Variants in TESK2 observed in about 807,000 individuals in gnomAD.
TESK2 encodes testis associated actin remodelling kinase 2, also known as dual specificity testis-specific protein kinase 2.
Under a neutral mutation model 57.1 loss-of-function variants are expected in TESK2, and 39 were observed. The ratio of observed to expected loss-of-function variants is 0.68; its 90% confidence interval spans 0.53 to 0.89. The LOEUF (loss-of-function observed/expected upper bound fraction) is 0.89. Ranked by LOEUF, TESK2 falls within the 40% of genes least tolerant of loss-of-function variation. The pLI, the probability that TESK2 is intolerant of heterozygous loss-of-function variation, is 0.00. For synonymous variants in TESK2, 249 were observed against 267.9 expected (o/e 0.93, Z 0.69); for missense variants, 646 against 732.1 (o/e 0.88, Z 1.36).
At chr1:45,487,338 C>T (rs1049587301) in intron 1 of TESK2, among the ~76,000 whole-genome samples, 3 of 152,136 alleles carry the variant, frequency 2.0e-5, no homozygotes, top group Admixed American at 1.3e-4. Flanking sequence ...GCCAAGGAAC[C>T]ACCAATCCAA....
intron 1 of TESK2, among the ~76,000 whole-genome samples, chr1:45,464,465 C>A (rs895690054): frequency 6.7e-6 from 1 of 150,314 alleles, no homozygotes; most frequent in Non-Finnish European, 1.5e-5. Flanking sequence ...TTGTAAAGAT[C>A]TTTCACTTAT....
chr1:45,361,238 CAA>C (rs1342257114), intron 4 of TESK2, among the ~76,000 whole-genome samples: 1 of 152,226 alleles, frequency 6.6e-6, no homozygotes, highest in Non-Finnish European at 1.5e-5. Context: ...GAAGCAGAGA[CAA>C]GAGCAACTGC....
intron 4 of TESK2, among the ~76,000 whole-genome samples, chr1:45,363,359 T>C (rs1647774984): frequency 6.6e-6 from 1 of 152,194 alleles, no homozygotes; most frequent in African/African-American, 2.4e-5. Context: ...TTCCAATCCA[T>C]TTTCCACAAT....
intron 2 of TESK2, among the ~76,000 whole-genome samples, chr1:45,434,802 T>C (rs1651127505): frequency 6.6e-6 from 1 of 152,112 alleles, no homozygotes; most frequent in Non-Finnish European, 1.5e-5. Context: ...AGGTTGTCTC[T>C]TCACTCTATT....
At chr1:45,349,825 T>C (rs1316143282) in intron 5 of TESK2, among the ~76,000 whole-genome samples, 1 of 152,246 alleles carries the variant, frequency 6.6e-6, no homozygotes, top group Non-Finnish European at 1.5e-5. Context: ...GTCTGATGAC[T>C]GAAGCAACTG....
chr1:45,422,759 T>TTTGTTGTTGTTGTGGTTGTTGTTGTTG (rs1650526613), intron 2 of TESK2, among the ~76,000 whole-genome samples: 1 of 146,890 alleles, frequency 6.8e-6, no homozygotes. Flanking sequence ...TGTCTGGTTT[T>TTTGTTGTTGTTGTGGTTGTTGTTGTTG]TTGTTGTTGT....
chr1:45,408,286 T>G (rs1002009539), intron 3 of TESK2, among the ~76,000 whole-genome samples: 3 of 152,214 alleles, frequency 2.0e-5, no homozygotes, highest in Non-Finnish European at 4.4e-5. Context: ...TAGGAAATCA[T>G]TTTCTCTCAG....
chr1:45,372,280 A>G (rs1244590535), intron 4 of TESK2, among the ~76,000 whole-genome samples: 2 of 150,350 alleles, frequency 1.3e-5, no homozygotes, highest in Non-Finnish European at 3.0e-5. Context: ...AAAAAAAAAG[A>G]TGAAAAAGAT....
At chr1:45,347,845 G>GGA (rs1235022174) in intron 6 of TESK2, 73 bp downstream of exon 6, 1 of 1,452,010 alleles carries the variant, frequency 6.9e-7, no homozygotes, top group Non-Finnish European at 9.7e-7. Context: ...TGGCCTCTGG[G>GGA]GAGGAGGCTA....
intron 4 of TESK2, among the ~76,000 whole-genome samples, chr1:45,355,717 C>A (rs1351082489): frequency 1.3e-5 from 2 of 152,038 alleles, no homozygotes; most frequent in African/African-American, 2.4e-5. Flanking sequence ...CAACACCATG[C>A]AGCAACAAGG....
intron 3 of TESK2, among the ~76,000 whole-genome samples, chr1:45,394,314 C>T (rs1312204709): frequency 2.7e-5 from 4 of 149,810 alleles, no homozygotes; most frequent in African/African-American, 7.4e-5. Flanking sequence ...AGGCACACAC[C>T]ACAGCTGGCT....
chr1:45,420,662 G>A (rs1035134132), intron 3 of TESK2, among the ~76,000 whole-genome samples: 1 of 151,424 alleles, frequency 6.6e-6, no homozygotes. Flanking sequence ...GTTCCCAGGG[G>A]GAACCTCCAC....
intron 1 of TESK2, among the ~76,000 whole-genome samples, chr1:45,472,887 C>T (rs1570765466): frequency 6.6e-6 from 1 of 151,382 alleles, no homozygotes; most frequent in East Asian, 1.9e-4. Flanking sequence ...CCTGTAATCC[C>T]AGCACTTTGG....
At chr1:45,406,289 AATT>A (rs1649845864) in intron 3 of TESK2, among the ~76,000 whole-genome samples, 1 of 152,168 alleles carries the variant, frequency 6.6e-6, no homozygotes. Context: ...TTGAACCTAA[AATT>A]ATGTGGTTGG....
Position 45,423,551 on chromosome 1 carries a change from C to T in TESK2, c.223-1705G>A, listed in dbSNP as rs563628163. 4.8e-3 allele frequency among the ~76,000 whole-genome samples: 488 copies of T among 102,480 alleles called. 6 individuals carry two copies. Among genetic ancestry groups the T allele is most frequent in the African/African-American group, 0.016 (463 of 28,236 alleles). The allele number at this position is 102,480 out of a possible 152,430, so 67.2% of individuals were successfully genotyped here. A position where few individuals can be genotyped will look rare whatever the true frequency, so the allele number is the denominator to read the frequency against. On this transcript the variant is annotated intron_variant, in intron 2 of 10. Coordinates refer to ENST00000372086, the MANE Select transcript of TESK2 (RefSeq NM_007170.3). ...CAGCCTGGGTGACAGAGCGAGATTC[C>T]GTCTCGCGAAAAAAAAAAAAAAATC...
At chr1:45,393,023 G>A (rs764316736) in intron 3 of TESK2, among the ~76,000 whole-genome samples, 1 of 152,200 alleles carries the variant, frequency 6.6e-6, no homozygotes. Flanking sequence ...GTACAAGGCA[G>A]TAAAGCCAAG....
At chr1:45,427,721 C>G (rs1336118598) in intron 2 of TESK2, among the ~76,000 whole-genome samples, 1 of 151,960 alleles carries the variant, frequency 6.6e-6, no homozygotes, top group Non-Finnish European at 1.5e-5. Flanking sequence ...CAATTGAACT[C>G]ATAGAGACAG....
intron 4 of TESK2, among the ~76,000 whole-genome samples, chr1:45,365,152 A>G (rs2050884): frequency 0.36 from 55,144 of 152,010 alleles, 11,904 homozygotes; most frequent in African/African-American, 0.59. Flanking sequence ...GTAATTCCAG[A>G]ACAGACATCC....
At chr1:45,400,954 G>A (rs944705564) in intron 3 of TESK2, among the ~76,000 whole-genome samples, 1 of 151,264 alleles carries the variant, frequency 6.6e-6, no homozygotes, top group African/African-American at 2.4e-5. Context: ...ACCAGGAGGC[G>A]GAGGTTGCAG....
Sources: gnomAD v4.1 joint callset for allele counts (sites outside exome capture counted in the v4.1 genomes callset) on GRCh38, gnomAD v4.1.1 for gene constraint, MANE v1.5 for transcripts, NCBI Gene and HGNC (gene_info 2026-07-23, HGNC 2026-07-21) for gene names.